ENO2: variants seen among roughly 807,000 people sequenced by gnomAD.
ENO2 encodes the protein gamma-enolase.
ENO2 carries 19 observed loss-of-function variants against 48.7 expected under a neutral mutation model. The observed-to-expected ratio is 0.39, with a 90% CI of 0.27 to 0.57. ENO2 has a LOEUF of 0.57. Among genes scored for constraint, ENO2 ranks in the 20% least tolerant of loss-of-function variants. ENO2 has a pLI of 0.58. For synonymous variants in ENO2, 198 were observed against 213.4 expected, an observed-to-expected ratio of 0.93 and a Z score of 0.63; for missense variants, 416 against 555.0, an observed-to-expected ratio of 0.75 and a Z score of 2.52.
intron 7 of ENO2, among the ~76,000 whole-genome samples, chr12:6,919,230 T>C (rs11064464): frequency 0.061 from 9,240 of 152,252 alleles, 792 homozygotes; most frequent in East Asian, 0.22. Context: ...GAACCTTGAC[T>C]TGTGGAGTTA....
rs1029044989 is a variant in ENO2 at position 6,919,450 on chromosome 12, G to A, written c.668-116G>A. 2.5e-5 allele frequency: 29 copies of A among 1,172,262 alleles called. 1 individual carries two copies. The African/African-American group carries it at 3.0e-4, about 12-fold the overall frequency. 72.6% of individuals were successfully genotyped at this position (1,172,262 alleles called of 1,614,324 possible). On this transcript the variant is annotated intron_variant, in intron 7 of 11. Coordinates refer to ENST00000229277, the MANE Select transcript of ENO2 (RefSeq NM_001975.3). ...TGGGGATAACCCCAACAGCATCCCC[G>A]CCACACTTCCCTCAGGAACAGCCCT...
In ENO2 at chr12:6,922,146, G is replaced by A. The variant is rs781924277; in HGVS notation, c.1158G>A (p.Val386=). Residue 386 remains valine (V), a synonymous_variant, in exon 10 of 12, where the codon GTG becomes GTA. Coordinates refer to ENST00000229277, the MANE Select transcript of ENO2 (RefSeq NM_001975.3). The surrounding 1 kb of genome is among the most constrained non-coding windows in gnomAD (Gnocchi z 5.3). ...ACACATTCATTGCTGACCTGGTGGT[G>A]GGGCTGTGCACAGGCCAGGTGAGTG... The part of the protein sequence containing the change: ...TEDTFIADLV[V]GLCTGQIKTG... 5.6e-6 allele frequency: 9 copies of A among 1,614,052 alleles called. No individual in the cohort carries two copies. The highest frequency in any genetic ancestry group is 6.8e-6 in the Non-Finnish European group (8 of 1,179,980).
rs1945354069 is a variant in ENO2, at chr12:6,922,859, CCTGAT to C, written c.*63_*67del. The stretch of plus-strand genomic sequence containing the variant: ...TCTCATCCTCCTGGAACCTTGCTGT[CCTGAT>C]CTGTGATAGTTCACCCCCTGAGATC... On this transcript the variant is annotated 3_prime_UTR_variant, in exon 12 of 12. Transcript: ENST00000229277. This position sits in a 1 kb window ranked among gnomAD's most constrained non-coding sequence, Gnocchi z 5.3. The C allele has an allele frequency of 2.5e-6, 4 of 1,592,492 alleles. No individual in the cohort carries two copies. In the South Asian group the frequency reaches 4.4e-5, roughly 18 times the overall value.
At position 6,923,087 on chromosome 12, in the gene ENO2, G is replaced by A. The variant is rs1193849026; in HGVS notation, c.*287G>A. The A allele has an allele frequency of 5.0e-6, 2 of 397,036 alleles. No individual in the cohort carries two copies. The highest frequency in any genetic ancestry group is 9.5e-6 in the Non-Finnish European group (2 of 210,244). The allele number at this position is 397,036 out of a possible 1,614,324, so 24.6% of individuals were successfully genotyped here. On this transcript the variant is annotated 3_prime_UTR_variant, in exon 12 of 12. Transcript: ENST00000229277. ...TGAATGAGGATTATTATAAAAGGGG[G>A]TCCGTGGAAGAATGATCAGCATCTG...
chr12:6,916,741 T>C lies in ENO2; in HGVS notation c.240+12T>C. ...CCCTCATCAGCTCAGTGAGGCCTGC[T>C]CTTTGCTGGGGATAGCAGGGCCAGA... On this transcript the variant is annotated intron_variant, in intron 4 of 11. Transcript: ENST00000229277. This position sits in a 1 kb window ranked among gnomAD's most constrained non-coding sequence, Gnocchi z 4.5. 6.2e-7 allele frequency: 1 copy of C among 1,614,060 alleles called. No individual in the cohort carries two copies. The highest frequency in any genetic ancestry group is 1.1e-5 in the South Asian group (1 of 91,078).
Position 6,921,723 on chromosome 12 carries a change from C to A in ENO2, c.1008C>A (p.Ala336=). Reference sequence around the variant, plus strand: ...TTGAGCGGGCAGTGGAAGAAAAGGCCTGCAACTGTCTGCTGCTCAAGGTCA... The same window carrying A: ...TTGAGCGGGCAGTGGAAGAAAAGGCATGCAACTGTCTGCTGCTCAAGGTCA... ...KRIERAVEEK[A]CNCLLLKVNQ... Residue 336 remains alanine, a synonymous_variant, in exon 9 of 12, where the codon GCC becomes GCA. Transcript: ENST00000229277. The A allele has an allele frequency of 6.2e-7, 1 of 1,614,178 alleles. No homozygotes were observed. The highest frequency in any genetic ancestry group is 8.5e-7 in the Non-Finnish European group (1 of 1,180,032).
chr12:6,922,781 G>A lies in ENO2; in HGVS notation c.1286G>A (p.Arg429His), dbSNP rs1288031555. 6.8e-6 allele frequency: 11 copies of A among 1,613,942 alleles called. No individual in the cohort carries two copies. The highest frequency in any genetic ancestry group is 1.7e-5 in the Admixed American group (1 of 60,002). ...DEARFAGHNF[R>H]NPSVL ...GCTCGCTTTGCCGGACATAACTTCC[G>A]TAATCCCAGTGTGCTGTGATTCCTC... Residue 429 changes from arginine (R) to histidine (H), a missense_variant, in exon 12 of 12, where the codon CGT becomes CAT. Transcript: ENST00000229277. The surrounding 1 kb of genome is among the most constrained non-coding windows in gnomAD (Gnocchi z 5.3).
chr12:6,916,819 A>G lies in ENO2; in HGVS notation c.240+90A>G, dbSNP rs1190993066. ...AGGAGGAAGGGAAGAAAGAAGGCCC[A>G]CTCTTAGGAATCATGGTTACAAGGG... On this transcript the variant is annotated intron_variant, in intron 4 of 11. Coordinates refer to ENST00000229277, the MANE Select transcript of ENO2 (RefSeq NM_001975.3). This position sits in a 1 kb window ranked among gnomAD's most constrained non-coding sequence, Gnocchi z 4.5. The G allele has an allele frequency of 1.9e-6, 3 of 1,538,914 alleles. No homozygotes were observed. The highest frequency in any genetic ancestry group is 3.5e-5 in the Admixed American group (2 of 56,482).
In ENO2 at chr12:6,916,036, C is replaced by T. The variant is rs782172389; in HGVS notation, c.85+119C>T. On this transcript the variant is annotated intron_variant, in intron 2 of 11. Coordinates refer to ENST00000229277, the MANE Select transcript of ENO2 (RefSeq NM_001975.3). The surrounding 1 kb of genome is among the most constrained non-coding windows in gnomAD (Gnocchi z 4.5). Reference sequence around the variant, plus strand: ...GGGGTATGGGGTGCTGGGCCAGGCTCACAAGCCTGGGTTGTGGCGGTTGGA... The same window carrying T: ...GGGGTATGGGGTGCTGGGCCAGGCTTACAAGCCTGGGTTGTGGCGGTTGGA... The T allele has an allele frequency of 2.9e-6, 3 of 1,048,030 alleles. No homozygotes were observed. In the African/African-American group the frequency reaches 4.7e-5, roughly 17 times the overall value. 64.9% of individuals were successfully genotyped at this position (1,048,030 alleles called of 1,614,324 possible).
chr12:6,915,563 A>T (rs1591650653), intron 1 of ENO2: 8 of 376,220 alleles, frequency 2.1e-5, no homozygotes, highest in Non-Finnish European at 3.6e-5. Flanking sequence ...GTGTTCTCCC[A>T]TCTCATCATT....
Position 6,917,569 on chromosome 12 carries a change from A to G in ENO2, c.311-12A>G, listed in dbSNP as rs782162560. The G allele has an allele frequency of 7.5e-6, 12 of 1,610,060 alleles. No homozygotes were observed. Among genetic ancestry groups the G allele is most frequent in the Middle Eastern group, 3.3e-4 (2 of 6,068 alleles). On this transcript the variant is annotated splice_polypyrimidine_tract_variant and intron_variant, in intron 5 of 11. Transcript: ENST00000229277. ...GACATTGTGCTCAGCACCTTCCTCTATAATCTCCTAGCCAAGTTTGGGGCC... is the reference window on the plus strand; with the variant it reads ...GACATTGTGCTCAGCACCTTCCTCTGTAATCTCCTAGCCAAGTTTGGGGCC...
Position 6,919,770 on chromosome 12 carries a change from G to A in ENO2, c.865+7G>A. ...TTTGTCAGGGACTATCCTGGTGAGA[G>A]GAAGTGGTGTGAGGGGGAGGTCTGG... is the stretch of plus-strand genomic sequence containing the variant. On this transcript the variant is annotated splice_region_variant and intron_variant, in intron 8 of 11. Transcript: ENST00000229277. 2.5e-6 allele frequency: 4 copies of A among 1,612,890 alleles called. No individual in the cohort carries two copies. Among genetic ancestry groups the A allele is most frequent in the Non-Finnish European group, 3.4e-6 (4 of 1,179,528 alleles).
chr12:6,917,413 C>T lies in ENO2; in HGVS notation c.311-168C>T. ...CCAATCTCCTCCTCCCCACCCATTCCTCTCCCTGCTGTTTTCAAGAGAGCA... is the reference window on the plus strand; with the variant it reads ...CCAATCTCCTCCTCCCCACCCATTCTTCTCCCTGCTGTTTTCAAGAGAGCA... On this transcript the variant is annotated intron_variant, in intron 5 of 11. Transcript: ENST00000229277. The T allele has an allele frequency of 3.1e-6, 3 of 954,182 alleles. No homozygotes were observed. The South Asian group carries it at 5.2e-5, about 17-fold the overall frequency. The allele number at this position is 954,182 out of a possible 1,614,324, so 59.1% of individuals were successfully genotyped here. A position where few individuals can be genotyped will look rare whatever the true frequency, so the allele number is the denominator to read the frequency against.
Position 6,916,378 on chromosome 12 carries a change from GTCCTCTTCAC to G in ENO2, c.86-35_86-26del. The G allele has an allele frequency of 6.3e-7, 1 of 1,594,294 alleles. No homozygotes were observed. The highest frequency in any genetic ancestry group is 8.6e-7 in the Non-Finnish European group (1 of 1,168,262). On this transcript the variant is annotated intron_variant, in intron 2 of 11. Transcript: ENST00000229277. This position sits in a 1 kb window ranked among gnomAD's most constrained non-coding sequence, Gnocchi z 4.5. ...GGCTGAAGGACTCCCTGGCCCCTGT[GTCCTCTTCAC>G]TCCCTCTCATTCCATGTTCCTCCTT...
chr12:6,920,374 G>GC (rs1565559444), intron 8 of ENO2, among the ~76,000 whole-genome samples: 1 of 58,284 alleles, frequency 1.7e-5, no homozygotes, highest in African/African-American at 8.3e-5. Flanking sequence ...ATTTTTTTTG[G>GC]GGGGGGGGTG....
intron 8 of ENO2, among the ~76,000 whole-genome samples, chr12:6,920,383 T>G (rs374293755): frequency 0.15 from 7,360 of 50,484 alleles, no homozygotes; most frequent in Middle Eastern, 0.17. Flanking sequence ...GGGGGGGGGG[T>G]GGGGTTGTTT....
chr12:6,915,842 G>A lies in ENO2; in HGVS notation c.10G>A (p.Glu4Lys). The change falls in exon 2 of 12, where the codon GAG becomes AAG. Residue 4 changes from glutamate to lysine, a missense_variant. Coordinates refer to ENST00000229277, the MANE Select transcript of ENO2 (RefSeq NM_001975.3). Reference protein sequence around the residue: MSIEKIWAREILDS... With the variant: MSIKKIWAREILDS... The stretch of plus-strand genomic sequence containing the variant: ...GGAGATCCCAGCCATCATGTCCATA[G>A]AGAAGATCTGGGCCCGGGAGATCCT... 6.2e-7 allele frequency: 1 copy of A among 1,613,740 alleles called. No homozygotes were observed. Among genetic ancestry groups the A allele is most frequent in the Non-Finnish European group, 8.5e-7 (1 of 1,179,876 alleles).
Position 6,917,184 on chromosome 12 carries a change from T to C in ENO2, c.310+77T>C, listed in dbSNP as rs782337922. On this transcript the variant is annotated intron_variant, in intron 5 of 11. Coordinates refer to ENST00000229277, the MANE Select transcript of ENO2 (RefSeq NM_001975.3). Reference sequence around the variant, plus strand: ...AGCAGATAGAGAGCTGAAGGGCCAGTGCTGTAGTGGCTTCCTCAGGAATGA... The same window carrying C: ...AGCAGATAGAGAGCTGAAGGGCCAGCGCTGTAGTGGCTTCCTCAGGAATGA... 3.9e-5 allele frequency: 61 copies of C among 1,552,138 alleles called. No individual in the cohort carries two copies. In the Middle Eastern group the frequency reaches 6.8e-4, roughly 17 times the overall value.
In ENO2 at chr12:6,917,203, G is replaced by A. The variant is rs781977333; in HGVS notation, c.310+96G>A. 200 of 1,461,322 alleles carry A rather than the reference G, an allele frequency of 1.4e-4. 2 individuals carry two copies. The South Asian group carries it at 2.2e-3, about 16-fold the overall frequency. 90.5% of individuals were successfully genotyped at this position (1,461,322 alleles called of 1,614,324 possible). On this transcript the variant is annotated intron_variant, in intron 5 of 11. Coordinates refer to ENST00000229277, the MANE Select transcript of ENO2 (RefSeq NM_001975.3). The stretch of plus-strand genomic sequence containing the variant: ...GGCCAGTGCTGTAGTGGCTTCCTCA[G>A]GAATGACTGTCAGGGGCATTCTCCT...
Sources: allele counts gnomAD v4.1 joint callset (sites outside exome capture counted in the v4.1 genomes callset), GRCh38; gene constraint gnomAD v4.1.1; non-coding constraint Gnocchi (gnomAD v3.1); transcripts MANE v1.5; gene names NCBI Gene and HGNC (gene_info 2026-07-23, HGNC 2026-07-21).